Variants in COG5 observed in about 807,000 individuals in gnomAD.
COG5 encodes the protein conserved oligomeric Golgi complex subunit 5.
A neutral mutation model predicts 110.4 loss-of-function variants in COG5; 86 were observed. That is an observed-to-expected ratio of 0.78 (90% CI 0.65 to 0.93). The LOEUF (loss-of-function observed/expected upper bound fraction) is 0.93, where lower values mean the gene tolerates loss of function less well. Among genes scored for constraint, COG5 ranks in the 40% least tolerant of loss-of-function variants. The pLI, the probability that COG5 is intolerant of heterozygous loss-of-function variation, is 0.00. For synonymous variants in COG5, 360 were observed against 334.6 expected (o/e 1.08, Z -0.83); for missense variants, 1,077 against 987.0 (o/e 1.09, Z -1.22).
intron 11 of COG5, among the ~76,000 whole-genome samples, chr7:107,304,997 A>C (rs1258984734): frequency 6.6e-6 from 1 of 152,240 alleles, no homozygotes; most frequent in Non-Finnish European, 1.5e-5. Flanking sequence ...TAAACAAGTC[A>C]TTATGTAACA....
chr7:107,541,801 G>A (rs1216281369), intron 5 of COG5, among the ~76,000 whole-genome samples: 1 of 150,916 alleles, frequency 6.6e-6, no homozygotes, highest in Non-Finnish European at 1.5e-5. Context: ...CATGGTGGCA[G>A]GCACCTGTAC....
At chr7:107,271,252 C>A (rs979737677) in intron 14 of COG5, among the ~76,000 whole-genome samples, 1 of 151,874 alleles carries the variant, frequency 6.6e-6, no homozygotes, top group African/African-American at 2.4e-5. Context: ...TCCCTTGAAA[C>A]AAGTGTCTTG....
chr7:107,517,367 T>G (rs1412240207), intron 6 of COG5, among the ~76,000 whole-genome samples: 1 of 152,050 alleles, frequency 6.6e-6, no homozygotes, highest in Non-Finnish European at 1.5e-5. Flanking sequence ...AACCTATGAT[T>G]GATTGGAGTA....
chr7:107,528,935 A>G (rs1477561965), intron 5 of COG5, among the ~76,000 whole-genome samples: 6 of 151,576 alleles, frequency 4.0e-5, no homozygotes, highest in African/African-American at 1.5e-4. Flanking sequence ...ACAAACATAT[A>G]TTTACAAACA....
intron 6 of COG5, among the ~76,000 whole-genome samples, chr7:107,415,189 C>T (rs932959119): frequency 3.3e-5 from 5 of 151,946 alleles, no homozygotes; most frequent in Admixed American, 6.6e-5. Flanking sequence ...GAGGAATGCA[C>T]GTATGAAATT....
chr7:107,404,241 G>C (rs963867983), intron 7 of COG5, among the ~76,000 whole-genome samples: 11 of 152,036 alleles, frequency 7.2e-5, no homozygotes, highest in African/African-American at 2.7e-4. Flanking sequence ...CACTTTTGAG[G>C]AATCAAATTA....
intron 6 of COG5, among the ~76,000 whole-genome samples, chr7:107,420,798 C>A (rs184114085): frequency 2.6e-5 from 4 of 152,244 alleles, no homozygotes; most frequent in African/African-American, 9.6e-5. Context: ...TTAATTGATA[C>A]CATCACATAA....
At chr7:107,280,925 T>C (rs941895567) in intron 14 of COG5, among the ~76,000 whole-genome samples, 4 of 151,964 alleles carry the variant, frequency 2.6e-5, no homozygotes, top group Non-Finnish European at 5.9e-5. Context: ...CATGCATGAA[T>C]GATATATGGA....
intron 7 of COG5, among the ~76,000 whole-genome samples, chr7:107,390,778 T>A (rs945378897): frequency 6.7e-6 from 1 of 149,124 alleles, no homozygotes; most frequent in South Asian, 2.2e-4. Context: ...AGAGCAACGA[T>A]CGCCACACCT....
intron 6 of COG5, among the ~76,000 whole-genome samples, chr7:107,497,597 G>A (rs1798360692): frequency 6.6e-6 from 1 of 152,040 alleles, no homozygotes; most frequent in Non-Finnish European, 1.5e-5. Flanking sequence ...GAAAGTGAAA[G>A]ACCTGTATAT....
At chr7:107,473,419 T>G (rs1796761642) in intron 6 of COG5, among the ~76,000 whole-genome samples, 1 of 151,948 alleles carries the variant, frequency 6.6e-6, no homozygotes, top group Non-Finnish European at 1.5e-5. Flanking sequence ...AACTGTGATA[T>G]GTAAAATATT....
intron 11 of COG5, among the ~76,000 whole-genome samples, chr7:107,302,387 G>A (rs910654308): frequency 6.6e-6 from 1 of 152,146 alleles, no homozygotes; most frequent in Non-Finnish European, 1.5e-5. Flanking sequence ...AGATAGTGGA[G>A]ACAGTAATTA....
chr7:107,559,768 G>GA (rs1383941873), intron 1 of COG5, among the ~76,000 whole-genome samples: 3 of 152,210 alleles, frequency 2.0e-5, no homozygotes, highest in Non-Finnish European at 4.4e-5. Context: ...CCAGACAAAT[G>GA]AAAAAAGCCA....
At chr7:107,391,135 C>T (rs73187362) in intron 7 of COG5, among the ~76,000 whole-genome samples, 6,174 of 151,956 alleles carry the variant, frequency 0.041, 166 homozygotes, top group Middle Eastern at 0.065. Flanking sequence ...ATTACCTTCC[C>T]GTGATGTTTA....
intron 6 of COG5, among the ~76,000 whole-genome samples, chr7:107,431,747 A>ACTGAGGCTCAACTTC (rs1295265682): frequency 2.8e-4 from 42 of 152,184 alleles, no homozygotes; most frequent in African/African-American, 1.0e-3. Context: ...GCCTCAGGAT[A>ACTGAGGCTCAACTTC]CTGAGGCTCA....
intron 6 of COG5, among the ~76,000 whole-genome samples, chr7:107,481,619 A>G (rs1408510911): frequency 6.6e-6 from 1 of 152,190 alleles, no homozygotes; most frequent in African/African-American, 2.4e-5. Context: ...TATATATTTC[A>G]TCCAAAATAT....
chr7:107,527,209 T>A (rs1800829630), intron 6 of COG5, 28 bp downstream of exon 6: 9 of 1,504,580 alleles, frequency 6.0e-6, no homozygotes, highest in Non-Finnish European at 6.2e-6. Flanking sequence ...TCTACTAACT[T>A]TTTATTTAAA....
intron 6 of COG5, among the ~76,000 whole-genome samples, chr7:107,504,575 C>A (rs1483314170): frequency 6.6e-6 from 1 of 152,162 alleles, no homozygotes; most frequent in Non-Finnish European, 1.5e-5. Context: ...AAGATTGATA[C>A]CAGTTCATCT....
chr7:107,368,065 C>T lies in COG5; in HGVS notation c.835+4530G>A, dbSNP rs115887824. ...ACAACTGGCAAATGAGGATGGGGGGCGGGAAGGGAAAAGTATAAGTATGCC... is the reference window on the plus strand; with the variant it reads ...ACAACTGGCAAATGAGGATGGGGGGTGGGAAGGGAAAAGTATAAGTATGCC... On this transcript the variant is annotated intron_variant, in intron 8 of 21. Transcript: ENST00000297135. Among the ~76,000 whole-genome samples the T allele has an allele frequency of 5.5e-3, 834 of 151,860 alleles. 9 individuals are homozygous for T. The highest frequency in any genetic ancestry group is 0.019 in the African/African-American group (805 of 41,402).
Sources: allele counts gnomAD v4.1 joint callset (sites outside exome capture counted in the v4.1 genomes callset), GRCh38; gene constraint gnomAD v4.1.1; transcripts MANE v1.5; gene names NCBI Gene and HGNC (gene_info 2026-07-23, HGNC 2026-07-21).